The following ATRX variants were observed in gnomAD, a reference collection of about 807,000 sequenced individuals.
The protein encoded by ATRX is ATRX chromatin remodeler, also known as chromatin remodeler ATRX.
Under a neutral mutation model 172.6 loss-of-function variants are expected in ATRX, and 12 were observed. That is an observed-to-expected ratio of 0.07 (90% CI 0.04 to 0.11). The LOEUF (loss-of-function observed/expected upper bound fraction) is 0.11, where lower values mean the gene tolerates loss of function less well. Ranked by LOEUF, ATRX falls within the 10% of genes least tolerant of loss-of-function variation. ATRX has a pLI of 1.00. For synonymous variants in ATRX, 674 were observed against 594.7 expected (o/e 1.13, Z -1.94); for missense variants, 1,368 against 1,767.4 (o/e 0.77, Z 4.05).
At chrX:77,599,853 G>A (rs2148151142) in intron 23 of ATRX, 33 bp from the exon 24 acceptor site, 1 of 1,047,953 alleles carries the variant, frequency 9.5e-7, no homozygotes, top group Non-Finnish European at 1.3e-6. Context: ...TATTTTAATA[G>A]AATATCTCAA....
At chrX:77,608,026 A>G (rs1277767865) in intron 22 of ATRX, among the ~76,000 whole-genome samples, 1 of 111,163 alleles carries the variant, frequency 9.0e-6, no homozygotes, top group East Asian at 2.8e-4. Flanking sequence ...ATCACATTAC[A>G]TAACTTCAAA....
intron 1 of ATRX, among the ~76,000 whole-genome samples, chrX:77,738,808 C>T (rs782086270): frequency 5.5e-5 from 6 of 109,677 alleles, no homozygotes; most frequent in Non-Finnish European, 1.1e-4. Context: ...AGTGGTCTGC[C>T]CGCCTCAGCT....
chrX:77,756,044 T>C (rs1008144462), intron 1 of ATRX, among the ~76,000 whole-genome samples: 17 of 112,209 alleles, frequency 1.5e-4, no homozygotes, highest in Non-Finnish European at 3.0e-4. Context: ...AGAGATGCCC[T>C]GCCCAGAGAG....
At chrX:77,698,493 A>T (rs782522202) in intron 3 of ATRX, 81 bp downstream of exon 3, 1 of 885,662 alleles carries the variant, frequency 1.1e-6, no homozygotes, top group African/African-American at 2.0e-5. Flanking sequence ...CGACACATAC[A>T]TGTGTCCAGA....
intron 10 of ATRX, among the ~76,000 whole-genome samples, chrX:77,671,179 T>A (rs1285222670): frequency 7.1e-5 from 6 of 84,012 alleles, no homozygotes; most frequent in South Asian, 1.2e-3. Context: ...TATATATATA[T>A]ATATATATAT....
intron 23 of ATRX, 49 bp downstream of exon 23, chrX:77,600,385 G>A (rs2066631283): frequency 8.3e-7 from 1 of 1,200,682 alleles, no homozygotes; most frequent in Non-Finnish European, 1.1e-6. Context: ...TTTTGTCTAA[G>A]TTTATTCTGC....
In ATRX at chrX:77,682,852, T is replaced by C. The variant is rs1431937285; in HGVS notation, c.2404A>G (p.Ile802Val). 2.5e-6 allele frequency: 3 copies of C among 1,208,364 alleles called. No individual in the cohort carries two copies. The highest frequency in any genetic ancestry group is 2.3e-4 in the Middle Eastern group (1 of 4,327). ...GTTTGTCGTTTCTTTTTAGAAATTA[T>C]AGAGCTCTTAGCTGATTTGCCCTTT... is the stretch of plus-strand genomic sequence containing the variant. ...TKKGKSAKSSIISKKKRQTQS... is the reference protein window; with the variant it reads ...TKKGKSAKSSVISKKKRQTQS... The change falls in exon 9 of 35, where the codon ATA becomes GTA. Residue 802 changes from isoleucine to valine, a missense_variant. Physicochemically the swap from Ile to Val is conservative, Grantham distance 29. Coordinates refer to ENST00000373344, the MANE Select transcript of ATRX (RefSeq NM_000489.6).
chrX:77,575,280 A>G (rs1455396261), intron 27 of ATRX, among the ~76,000 whole-genome samples: 1 of 110,246 alleles, frequency 9.1e-6, no homozygotes, highest in African/African-American at 3.3e-5. Context: ...TCTTACCTAT[A>G]TCTTCACTGA....
chrX:77,523,132 A>C (rs2063284432), intron 31 of ATRX, 120 bp downstream of exon 31: 1 of 927,264 alleles, frequency 1.1e-6, no homozygotes, highest in African/African-American at 1.9e-5. Context: ...GTAATTGGGG[A>C]ATGTGTTCCT....
At chrX:77,627,510 C>T (rs1039480076) in intron 19 of ATRX, among the ~76,000 whole-genome samples, 2 of 110,888 alleles carry the variant, frequency 1.8e-5, no homozygotes, top group Non-Finnish European at 3.8e-5. Flanking sequence ...AGAAGGATTG[C>T]TTGAGGCCAG....
intron 30 of ATRX, among the ~76,000 whole-genome samples, chrX:77,532,625 C>A (rs1306136055): frequency 9.0e-6 from 1 of 111,568 alleles, no homozygotes; most frequent in East Asian, 2.8e-4. Flanking sequence ...TTCCTTACAC[C>A]ATACACAAAA....
At chrX:77,696,041 T>C (rs1268218022) in intron 5 of ATRX, among the ~76,000 whole-genome samples, 5 of 112,202 alleles carry the variant, frequency 4.5e-5, no homozygotes, top group African/African-American at 9.7e-5. Context: ...CAAGGTTTTA[T>C]GGTTAGAACT....
chrX:77,735,465 G>T (rs1377402671), intron 1 of ATRX, among the ~76,000 whole-genome samples: 1 of 111,417 alleles, frequency 9.0e-6, no homozygotes, highest in Non-Finnish European at 1.9e-5. Flanking sequence ...AGTGACGGAC[G>T]CCTGTAGTCC....
At chrX:77,762,362 T>A (rs1016990578) in intron 1 of ATRX, among the ~76,000 whole-genome samples, 2 of 108,905 alleles carry the variant, frequency 1.8e-5, no homozygotes, top group African/African-American at 3.3e-5. Flanking sequence ...AGATTTTTTT[T>A]AAAGACTGCA....
Position 77,681,701 on chromosome X carries a change from C to G in ATRX, c.3555G>C (p.Lys1185Asn), listed in dbSNP as rs782696086. 4.1e-5 allele frequency: 49 copies of G among 1,208,386 alleles called. No individual in the cohort carries two copies. The highest frequency in any genetic ancestry group is 5.3e-5 in the Non-Finnish European group (47 of 894,627). Residue 1185 changes from lysine (K) to asparagine (N), a missense_variant, in exon 9 of 35, where the codon AAG becomes AAC. Lys to Asn is a moderately conservative substitution (Grantham distance 94). Transcript: ENST00000373344. ...KKKAVIVKEKKRNSLRTSTKR... is the reference protein window; with the variant it reads ...KKKAVIVKEKNRNSLRTSTKR... The stretch of plus-strand genomic sequence containing the variant: ...TAGTGCTTGTTCTTAGGGAGTTTCT[C>G]TTTTTCTCCTTGACAATGACTGCCT...
At chrX:77,775,970 G>A (rs1569546769) in intron 1 of ATRX, among the ~76,000 whole-genome samples, 1 of 110,999 alleles carries the variant, frequency 9.0e-6, no homozygotes, top group Non-Finnish European at 1.9e-5. Context: ...GACCTCAGGA[G>A]AACCACCTGC....
intron 1 of ATRX, among the ~76,000 whole-genome samples, chrX:77,756,997 G>A (rs2075525078): frequency 9.0e-6 from 1 of 110,816 alleles, no homozygotes; most frequent in Non-Finnish European, 1.9e-5. Context: ...TGTTGGCCAG[G>A]CTGGTCTCGA....
At chrX:77,639,573 T>C (rs1216827061) in intron 15 of ATRX, among the ~76,000 whole-genome samples, 1 of 111,744 alleles carries the variant, frequency 8.9e-6, no homozygotes, top group Non-Finnish European at 1.9e-5. Context: ...GTTAAGTGTG[T>C]GGTACATTTT....
Position 77,777,215 on chromosome X carries a change from A to C in ATRX, c.20+8767T>G, listed in dbSNP as rs2076387298. ...CTAAAAAAAAAAAAAAAAAAAAAAA[A>C]AAAAAAAATACAAAAATCAGCCAGG... On this transcript the variant is annotated intron_variant, in intron 1 of 34. Coordinates refer to ENST00000373344, the MANE Select transcript of ATRX (RefSeq NM_000489.6). Among the ~76,000 whole-genome samples, 5 of 102,961 alleles carry C rather than the reference A, an allele frequency of 4.9e-5. No individual in the cohort carries two copies. In the South Asian group the frequency reaches 2.2e-3, roughly 45 times the overall value. The allele number at this position is 102,961 out of a possible 115,157, so 89.4% of individuals were successfully genotyped here.
Sources: gnomAD v4.1 joint callset for allele counts (sites outside exome capture counted in the v4.1 genomes callset) on GRCh38, gnomAD v4.1.1 for gene constraint, MANE v1.5 for transcripts, NCBI Gene and HGNC (gene_info 2026-07-23, HGNC 2026-07-21) for gene names.